LITAF: variants seen among roughly 807,000 people sequenced by gnomAD.
The protein encoded by LITAF is lipopolysaccharide induced TNF factor, also known as lipopolysaccharide-induced tumor necrosis factor-alpha factor.
In LITAF, 9 loss-of-function variants were observed where a neutral mutation model predicts 14.5. The observed-to-expected ratio is 0.62, with a 90% CI of 0.37 to 1.08. The LOEUF (loss-of-function observed/expected upper bound fraction) is 1.08, where lower values mean the gene tolerates loss of function less well. Ranked by LOEUF, LITAF falls within the 50% of genes least tolerant of loss-of-function variation. The pLI, the probability that LITAF is intolerant of heterozygous loss-of-function variation, is 0.01. For missense variants in LITAF, 206 were observed against 213.4 expected, an observed-to-expected ratio of 0.97 and a Z score of 0.22; for synonymous variants, 98 against 88.2, an observed-to-expected ratio of 1.11 and a Z score of -0.62.
In LITAF at chr16:11,556,697, C is replaced by T. The variant is rs1386118548; in HGVS notation, c.34G>A (p.Gly12Arg). 2 of 1,614,156 alleles carry T rather than the reference C, an allele frequency of 1.2e-6. No individual in the cohort carries two copies. Among genetic ancestry groups the T allele is most frequent in the Non-Finnish European group, 1.7e-6 (2 of 1,180,042 alleles). Residue 12 changes from glycine (G) to arginine (R), a missense_variant, in exon 2 of 4, where the codon GGG becomes AGG. Transcript: ENST00000622633. ...GGTGCGGATGGTGCTGAGGAAGGCC[C>T]AGTGGCCGCCTGGTAAGGTCCTGGA... ...SVPGPYQAATGPSSAPSAPPS... is the reference protein window; with the variant it reads ...SVPGPYQAATRPSSAPSAPPS...
intron 1 of LITAF, among the ~76,000 whole-genome samples, chr16:11,594,047 A>G: frequency 6.6e-6 from 1 of 152,012 alleles, no homozygotes; most frequent in African/African-American, 2.4e-5. Flanking sequence ...TTATCCAGGC[A>G]TGGTGGCGCA....
chr16:11,633,872 C>A (rs543697127), intron 2 of LITAF, among the ~76,000 whole-genome samples: 1 of 152,242 alleles, frequency 6.6e-6, no homozygotes, highest in South Asian at 2.1e-4. Flanking sequence ...GGATCGGGAC[C>A]CCTTTCTGGT....
intron 3 of LITAF, among the ~76,000 whole-genome samples, chr16:11,617,426 C>CTTT (rs71136673): frequency 0.019 from 1,429 of 73,712 alleles, 10 homozygotes; most frequent in Non-Finnish European, 0.026. Context: ...TGGCTTCACT[C>CTTT]TTTTTTTTTT....
At chr16:11,608,931 A>G (rs1406670811) in intron 3 of LITAF, among the ~76,000 whole-genome samples, 2 of 151,962 alleles carry the variant, frequency 1.3e-5, no homozygotes, top group Non-Finnish European at 2.9e-5. Context: ...CCTGGGTGAC[A>G]GAGTGAGACT....
chr16:11,581,879 G>A (rs954671763), intron 1 of LITAF, among the ~76,000 whole-genome samples: 4 of 152,062 alleles, frequency 2.6e-5, no homozygotes, highest in Non-Finnish European at 1.5e-5. Flanking sequence ...AAGGAAGGAC[G>A]ACAAAATTGA....
intron 3 of LITAF, among the ~76,000 whole-genome samples, chr16:11,617,426 C>CTTTTTTTTTTTTTTTTTTTTTTT (rs71136673): frequency 1.4e-5 from 1 of 73,714 alleles, no homozygotes. Flanking sequence ...TGGCTTCACT[C>CTTTTTTTTTTTTTTTTTTTTTTT]TTTTTTTTTT....
chr16:11,607,304 G>A (rs1469323609), intron 3 of LITAF, among the ~76,000 whole-genome samples: 5 of 152,234 alleles, frequency 3.3e-5, no homozygotes, highest in East Asian at 1.9e-4. Context: ...GAGCTGTGTC[G>A]AGAACAGTGC....
upstream of LITAF, among the ~76,000 whole-genome samples, chr16:11,639,124 G>C (rs553129891): frequency 2.0e-5 from 3 of 151,932 alleles, no homozygotes; most frequent in Admixed American, 2.0e-4. Flanking sequence ...TGGTTAGAGG[G>C]AGACAGGAAT....
chr16:11,638,968 G>A (rs911676315), upstream of LITAF, among the ~76,000 whole-genome samples: 9 of 151,992 alleles, frequency 5.9e-5, no homozygotes, highest in African/African-American at 1.9e-4. Context: ...CAAGGAAATG[G>A]GTACTGACGT....
chr16:11,617,772 C>G (rs1484095670), intron 3 of LITAF, among the ~76,000 whole-genome samples: 1 of 152,022 alleles, frequency 6.6e-6, no homozygotes, highest in African/African-American at 2.4e-5. Context: ...AGCCAAGGGA[C>G]AACGCCATCT....
chr16:11,634,058 A>C lies in LITAF; in HGVS notation c.-20-421T>G, dbSNP rs949687951. Among the ~76,000 whole-genome samples the C allele has an allele frequency of 4.6e-5, 7 of 152,240 alleles. No individual in the cohort carries two copies. Among genetic ancestry groups the C allele is most frequent in the African/African-American group, 1.7e-4 (7 of 41,460 alleles). On this transcript the variant is annotated intron_variant, in intron 2 of 3. Transcript: ENST00000574848. This position sits in a 1 kb window ranked among gnomAD's most constrained non-coding sequence, Gnocchi z 4.1. ...AATACACAGACACATGCAGAGGGAC[A>C]TACAGAACCTCAACAACTCACATGC...
chr16:11,566,039 G>C (rs1005995226), intron 1 of LITAF, among the ~76,000 whole-genome samples: 2 of 152,024 alleles, frequency 1.3e-5, no homozygotes, highest in Non-Finnish European at 2.9e-5. Flanking sequence ...TCCTCATAAG[G>C]CTCTTGAGAG....
rs954914642 is a variant in LITAF at position 11,634,996 on chromosome 16, T to C, written c.-21+829A>G. ...TTGCAGAGAGCTGAGATCACGCCAT[T>C]GCACTCCAGCCTGGGCATCACAGTG... On this transcript the variant is annotated intron_variant, in intron 2 of 3. Transcript: ENST00000574848. This position sits in a 1 kb window ranked among gnomAD's most constrained non-coding sequence, Gnocchi z 4.1. Among the ~76,000 whole-genome samples, 1 of 151,904 alleles carries C rather than the reference T, an allele frequency of 6.6e-6. No homozygotes were observed. Among genetic ancestry groups the C allele is most frequent in the Non-Finnish European group, 1.5e-5 (1 of 67,996 alleles).
chr16:11,568,290 A>G (rs2064487523), intron 1 of LITAF, among the ~76,000 whole-genome samples: 4 of 133,192 alleles, frequency 3.0e-5, no homozygotes, highest in Admixed American at 2.8e-4. Context: ...CCTGTCTCGA[A>G]AAAAAAAAAA....
intron 1 of LITAF, among the ~76,000 whole-genome samples, chr16:11,565,733 C>G (rs1174197258): frequency 6.6e-6 from 1 of 152,126 alleles, no homozygotes; most frequent in Non-Finnish European, 1.5e-5. Context: ...TCCCGCCACA[C>G]CTGCCTTGCT....
At chr16:11,563,274 G>A (rs1196732899) in intron 1 of LITAF, among the ~76,000 whole-genome samples, 2 of 151,966 alleles carry the variant, frequency 1.3e-5, no homozygotes, top group African/African-American at 2.4e-5. Context: ...TCAGCCTCCC[G>A]AGTAGCTGGG....
At chr16:11,568,737 T>G (rs77820464) in intron 1 of LITAF, among the ~76,000 whole-genome samples, 14,556 of 147,404 alleles carry the variant, frequency 0.099, 777 homozygotes, top group Middle Eastern at 0.15. Context: ...TGGAATGCAG[T>G]GCCACGACCT....
At chr16:11,584,888 T>A (rs1567253691) in intron 1 of LITAF, among the ~76,000 whole-genome samples, 1 of 152,094 alleles carries the variant, frequency 6.6e-6, no homozygotes, top group Admixed American at 6.6e-5. Context: ...AGACAGTGAA[T>A]TACACTTCAA....
upstream of LITAF, among the ~76,000 whole-genome samples, chr16:11,601,262 C>T (rs2064924620): frequency 6.6e-6 from 1 of 151,986 alleles, no homozygotes. Flanking sequence ...TCCCACCTCC[C>T]CACCCTTCTG....
Sources: gnomAD v4.1 joint callset for allele counts (sites outside exome capture counted in the v4.1 genomes callset) on GRCh38, gnomAD v4.1.1 for gene constraint, Gnocchi (gnomAD v3.1) non-coding constraint, MANE v1.5 for transcripts, NCBI Gene and HGNC (gene_info 2026-07-23, HGNC 2026-07-21) for gene names.